Variants in SLC5A11 observed in about 807,000 individuals in gnomAD.
The protein encoded by SLC5A11 is sodium/myo-inositol cotransporter 2.
In SLC5A11, 48 loss-of-function variants were observed where a neutral mutation model predicts 69.8. The ratio of observed to expected loss-of-function variants is 0.69; its 90% CI spans 0.55 to 0.87. The LOEUF (loss-of-function observed/expected upper bound fraction) is 0.87, where lower values mean the gene tolerates loss of function less well. Ranked by LOEUF, SLC5A11 falls within the 40% of genes least tolerant of loss-of-function variation. The pLI, the probability that SLC5A11 is intolerant of heterozygous loss-of-function variation, is 0.00. For synonymous variants in SLC5A11, 319 were observed against 342.4 expected, an observed-to-expected ratio of 0.93 and a Z score of 0.75; for missense variants, 784 against 866.1, an observed-to-expected ratio of 0.91 and a Z score of 1.19.
At chr16:24,866,780 G>A (rs2046946928) in intron 3 of SLC5A11, among the ~76,000 whole-genome samples, 1 of 151,852 alleles carries the variant, frequency 6.6e-6, no homozygotes, top group South Asian at 2.1e-4. Context: ...TGTCACTAGA[G>A]ACAAAAAAGA....
chr16:24,892,792 A>T (rs768982119), intron 9 of SLC5A11, among the ~76,000 whole-genome samples: 1 of 152,136 alleles, frequency 6.6e-6, no homozygotes, highest in Non-Finnish European at 1.5e-5. Flanking sequence ...CAGAGAATGA[A>T]ACCCAGGTCT....
intron 8 of SLC5A11, among the ~76,000 whole-genome samples, chr16:24,889,141 T>C (rs1003448335): frequency 6.6e-6 from 1 of 151,448 alleles, no homozygotes; most frequent in African/African-American, 2.4e-5. Flanking sequence ...CAGCTGCAAA[T>C]CAAACCAAGA....
chr16:24,856,631 C>G (rs796183728), intron 1 of SLC5A11, among the ~76,000 whole-genome samples: 1 of 143,148 alleles, frequency 7.0e-6, no homozygotes, highest in Non-Finnish European at 1.5e-5. Context: ...ATTAGCTGAG[C>G]GTGGTGGTGG....
At chr16:24,908,836 CAGAGCCCTTGGCGTCTCTA>C (rs2050273116) in intron 13 of SLC5A11, 26 bp from the exon 15 acceptor site, 1 of 1,589,500 alleles carries the variant, frequency 6.3e-7, no homozygotes, top group Non-Finnish European at 8.6e-7. Flanking sequence ...TCCTGGAGGC[CAGAGCCCTTGGCGTCTCTA>C]AGATGATCTT....
chr16:24,910,520 G>T, intron 15 of SLC5A11, 43 bp downstream of exon 16: 1 of 1,547,420 alleles, frequency 6.5e-7, no homozygotes, highest in Non-Finnish European at 8.7e-7. Flanking sequence ...AGGAGTACGT[G>T]TTAAAGGGAT....
chr16:24,862,453 C>A, intron 2 of SLC5A11, 148 bp from the exon 4 acceptor site: 2 of 544,760 alleles, frequency 3.7e-6, no homozygotes, highest in South Asian at 2.8e-5. Flanking sequence ...AAATTTTATC[C>A]AAAACTCTGG....
At chr16:24,854,955 T>TTG (rs34966155) in intron 1 of SLC5A11, among the ~76,000 whole-genome samples, 12,614 of 150,846 alleles carry the variant, frequency 0.084, 649 homozygotes, top group South Asian at 0.13. Flanking sequence ...TAGGTTAGCC[T>TTG]TGTGTGTGTG....
At chr16:24,884,113 C>A (rs771692090) in exon 8 of SLC5A11, 1 of 1,614,094 alleles carries the variant, frequency 6.2e-7, no homozygotes. Flanking sequence ...TATAGGAGCG[C>A]TCACCTTGAT....
chr16:24,893,628 T>C (rs117807306), intron 9 of SLC5A11, among the ~76,000 whole-genome samples: 1 of 152,046 alleles, frequency 6.6e-6, no homozygotes, highest in Admixed American at 6.6e-5. Flanking sequence ...TGGAGTAAAG[T>C]AGTGCAATCT....
chr16:24,904,030 A>G (rs776972416), intron 10 of SLC5A11, among the ~76,000 whole-genome samples: 1 of 152,256 alleles, frequency 6.6e-6, no homozygotes, highest in Non-Finnish European at 1.5e-5. Context: ...CCTTCTTCAC[A>G]TGGTGGCAGG....
rs778667702 is a variant in SLC5A11 at position 24,908,154 on chromosome 16, A to G, written c.1434+23A>G. ...AAGGTAGCTCTGGATGGCTCCCACT[A>G]TGCCAGAACCAAGTGCTGCCCCTTG... On this transcript the variant is annotated intron_variant, in intron 13 of 15. Transcript: ENST00000347898. 3 of 1,548,604 alleles carry G rather than the reference A, an allele frequency of 1.9e-6. No homozygotes were observed. The South Asian group carries it at 3.8e-5, about 20-fold the overall frequency.
In SLC5A11 at chr16:24,891,076, T is replaced by G. The variant is rs546473960; in HGVS notation, c.870+2T>G. On this transcript the variant is annotated splice_donor_variant, in intron 9 of 15. Transcript: ENST00000347898. LOFTEE classifies it high-confidence loss of function. ...CTCTGGTACTGGTGCACGGATCAGG[T>G]ACAGGACAGTGGCCTGAGCAAGTTT... The G allele has an allele frequency of 5.6e-6, 9 of 1,613,280 alleles. No homozygotes were observed. In the Admixed American group the frequency reaches 1.0e-4, roughly 18 times the overall value.
intron 1 of SLC5A11, among the ~76,000 whole-genome samples, chr16:24,851,007 C>A (rs543830087): frequency 6.6e-6 from 1 of 151,892 alleles, no homozygotes; most frequent in East Asian, 2.0e-4. Context: ...GACAGGGTTT[C>A]ATCACGTTGG....
In SLC5A11 at chr16:24,911,168, A is replaced by AAT. The variant is rs1457133356; in HGVS notation, c.1823-159_1823-158insTA. Among the ~76,000 whole-genome samples, 294 of 146,124 alleles carry AAT rather than the reference A, an allele frequency of 2.0e-3. 3 individuals carry two copies. The highest frequency in any genetic ancestry group is 7.1e-3 in the African/African-American group (284 of 40,142). On this transcript the variant is annotated intron_variant, in intron 15 of 15. Transcript: ENST00000347898. ...TGGACGACAGAGTGAGACTCTCTCAAAAAAAAAAAAAAAAAAAAGGGAGAT... is the reference window on the plus strand; with the variant it reads ...TGGACGACAGAGTGAGACTCTCTCAAATAAAAAAAAAAAAAAAAAAGGGAGAT...
At chr16:24,908,785 C>A in intron 13 of SLC5A11, 96 bp from the exon 15 acceptor site, 1 of 1,155,094 alleles carries the variant, frequency 8.7e-7, no homozygotes, top group Non-Finnish European at 1.2e-6. Flanking sequence ...TTGCAGTGAC[C>A]ACCACAAGAA....
chr16:24,879,127 GT>G (rs1284716559), intron 7 of SLC5A11, among the ~76,000 whole-genome samples: 2 of 151,640 alleles, frequency 1.3e-5, no homozygotes, highest in East Asian at 3.9e-4. Context: ...TGGAGGACAG[GT>G]TTTTTTTGGT....
In SLC5A11 at chr16:24,894,962, T is replaced by A. The variant is rs1488586115; in HGVS notation, c.871-3012T>A. Among the ~76,000 whole-genome samples, 3 of 151,362 alleles carry A rather than the reference T, an allele frequency of 2.0e-5. No homozygotes were observed. The South Asian group carries it at 6.3e-4, about 32-fold the overall frequency. The stretch of plus-strand genomic sequence containing the variant: ...GCGAGACCTCATCTCTACAAAAAAA[T>A]TTAAAAAATATTAATAGCTGGGTGT... On this transcript the variant is annotated intron_variant, in intron 9 of 15. Coordinates refer to ENST00000347898, the Ensembl canonical transcript of SLC5A11.
In SLC5A11 at chr16:24,871,608, A is replaced by C. The variant is rs995766182; in HGVS notation, c.313-552A>C. 2.6e-5 allele frequency among the ~76,000 whole-genome samples: 4 copies of C among 152,064 alleles called. No individual in the cohort carries two copies. The East Asian group carries it at 5.8e-4, about 22-fold the overall frequency. On this transcript the variant is annotated intron_variant, in intron 4 of 15. Transcript: ENST00000347898. ...CTTAACCTCTCTGAGCCTCATGTAC[A>C]TAATAGGCATATTAATGGTACCTGT...
At chr16:24,909,122 CGTTGAGACTTTTT>C in intron 14 of SLC5A11, 26 bp downstream of exon 15, 1 of 1,604,382 alleles carries the variant, frequency 6.2e-7, no homozygotes, top group South Asian at 1.1e-5. Context: ...TGGCTAGATC[CGTTGAGACTTTTT>C]GTTGGAAGTG....
Sources: gnomAD v4.1 joint callset for allele counts (sites outside exome capture counted in the v4.1 genomes callset) on GRCh38, gnomAD v4.1.1 for gene constraint, MANE v1.5 for transcripts, NCBI Gene and HGNC (gene_info 2026-07-23, HGNC 2026-07-21) for gene names.